Variants in ZSCAN25 observed in about 807,000 individuals in gnomAD.
ZSCAN25 encodes the protein zinc finger and SCAN domain-containing protein 25.
ZSCAN25 carries 27 observed loss-of-function variants against 38.7 expected under a neutral mutation model. That is an observed-to-expected ratio of 0.70 (90% confidence interval 0.51 to 0.96). The LOEUF (loss-of-function observed/expected upper bound fraction) is 0.96, where lower values mean the gene tolerates loss of function less well. ZSCAN25 is among the 40% of genes least tolerant of loss of function. The pLI, the probability that ZSCAN25 is intolerant of heterozygous loss-of-function variation, is 0.00. For missense variants in ZSCAN25, 637 were observed against 705.9 expected, an observed-to-expected ratio of 0.90 and a Z score of 1.11; for synonymous variants, 273 against 277.7, an observed-to-expected ratio of 0.98 and a Z score of 0.17.
At chr7:99,672,763 A>G in the ZSCAN25 span, 1 of 1,601,064 alleles carries the variant, frequency 6.2e-7, no homozygotes, top group Non-Finnish European at 8.5e-7. Context: ...GACTTTGATC[A>G]TTATGTTATG....
At chr7:99,676,339 C>T in the ZSCAN25 span, 3 of 1,552,748 alleles carry the variant, frequency 1.9e-6, no homozygotes, top group African/African-American at 4.1e-5. Context: ...AACAGCAACT[C>T]CAACATCAGT....
chr7:99,716,883 A>C, the ZSCAN25 span, among the ~76,000 whole-genome samples: 19 of 152,302 alleles, frequency 1.2e-4, no homozygotes, highest in East Asian at 9.6e-4. Flanking sequence ...ACTTTGATAC[A>C]ATCACACTTT....
In ZSCAN25 at chr7:99,631,818, G is replaced by T; in HGVS notation, c.*1798G>T. ...CCCACGAGGCTGCACTGACTGGGTC[G>T]TAAATGTATCTGAGATGTCCACACG... On this transcript the variant is annotated 3_prime_UTR_variant, in exon 8 of 8. Transcript: ENST00000394152. The T allele has an allele frequency of 1.0e-6, 1 of 985,426 alleles. No homozygotes were observed. Among genetic ancestry groups the T allele is most frequent in the Non-Finnish European group, 1.2e-6 (1 of 829,954 alleles). 61.0% of individuals were successfully genotyped at this position (985,426 alleles called of 1,614,324 possible). A position where few individuals can be genotyped will look rare whatever the true frequency, so the allele number is the denominator to read the frequency against.
At chr7:99,688,301 G>A in the ZSCAN25 span, among the ~76,000 whole-genome samples, 1 of 152,128 alleles carries the variant, frequency 6.6e-6, no homozygotes, top group Non-Finnish European at 1.5e-5. Flanking sequence ...GCCACACATA[G>A]GCTCAAAATA....
the ZSCAN25 span, among the ~76,000 whole-genome samples, chr7:99,640,351 T>G: frequency 3.3e-5 from 5 of 152,252 alleles, no homozygotes; most frequent in African/African-American, 9.6e-5. Flanking sequence ...AGAGACGGGG[T>G]TTCACCATGT....
At chr7:99,690,504 C>A in the ZSCAN25 span, among the ~76,000 whole-genome samples, 1 of 152,130 alleles carries the variant, frequency 6.6e-6, no homozygotes, top group Non-Finnish European at 1.5e-5. Context: ...TCAGAGTGAA[C>A]AGGCAACCTA....
chr7:99,627,526 C>T (rs1475287852), intron 7 of ZSCAN25, among the ~76,000 whole-genome samples: 1 of 152,042 alleles, frequency 6.6e-6, no homozygotes, highest in Non-Finnish European at 1.5e-5. Context: ...CAGCTTCACA[C>T]CATGATATAG....
chr7:99,624,426 C>T lies in ZSCAN25; in HGVS notation c.805+246C>T. 4 of 521,364 alleles carry T rather than the reference C, an allele frequency of 7.7e-6. No individual in the cohort carries two copies. In the South Asian group the frequency reaches 9.3e-5, roughly 12 times the overall value. 32.3% of individuals were successfully genotyped at this position (521,364 alleles called of 1,614,324 possible). A position where few individuals can be genotyped will look rare whatever the true frequency, so the allele number is the denominator to read the frequency against. On this transcript the variant is annotated intron_variant, in intron 7 of 7. Transcript: ENST00000394152. The stretch of plus-strand genomic sequence containing the variant: ...ATGGAGACAGGTCGGTCATGAGGAC[C>T]CCCAAACACCTACATTGTGTCCATG...
At chr7:99,686,445 G>A in the ZSCAN25 span, among the ~76,000 whole-genome samples, 98 of 152,344 alleles carry the variant, frequency 6.4e-4, no homozygotes, top group Middle Eastern at 3.4e-3. Context: ...CAAGGCGGCA[G>A]TGAGGCTGGG....
the ZSCAN25 span, chr7:99,650,339 A>G: frequency 6.1e-6 from 6 of 984,156 alleles, no homozygotes; most frequent in Admixed American, 1.3e-4. Context: ...CCCAACCAGT[A>G]GTACACAGGA....
the ZSCAN25 span, among the ~76,000 whole-genome samples, chr7:99,643,423 C>T: frequency 6.6e-6 from 1 of 151,884 alleles, no homozygotes; most frequent in Admixed American, 6.6e-5. Context: ...CCCATTGCTG[C>T]CCCCCCTTTT....
chr7:99,626,986 T>A (rs1483498801), intron 7 of ZSCAN25, among the ~76,000 whole-genome samples: 1 of 152,246 alleles, frequency 6.6e-6, no homozygotes, highest in East Asian at 1.9e-4. Context: ...ATCATTGTAT[T>A]TATTTTTCCC....
the ZSCAN25 span, chr7:99,638,589 G>T: frequency 4.3e-5 from 68 of 1,576,874 alleles, 1 homozygote; most frequent in African/African-American, 7.0e-4. Context: ...CCCATATGTT[G>T]AACTTGACAT....
At chr7:99,733,935 A>G in the ZSCAN25 span, among the ~76,000 whole-genome samples, 2 of 152,340 alleles carry the variant, frequency 1.3e-5, no homozygotes, top group Non-Finnish European at 2.9e-5. Context: ...CTAGAGATAT[A>G]TATTTGTACA....
chr7:99,710,937 G>A, the ZSCAN25 span: 2 of 1,612,814 alleles, frequency 1.2e-6, no homozygotes, highest in African/African-American at 1.3e-5. Context: ...GGTCAATGTA[G>A]GGCATCACAG....
At chr7:99,723,902 C>T in the ZSCAN25 span, among the ~76,000 whole-genome samples, 3 of 152,346 alleles carry the variant, frequency 2.0e-5, no homozygotes, top group South Asian at 6.2e-4. Context: ...GTCTAAATCA[C>T]TGCCAGGACA....
the ZSCAN25 span, chr7:99,720,552 A>G: frequency 3.2e-6 from 3 of 928,672 alleles, no homozygotes; most frequent in African/African-American, 3.3e-5. Flanking sequence ...GTTCTAGTTC[A>G]TTAGGTATAA....
At chr7:99,647,508 A>C in the ZSCAN25 span, 1 of 985,468 alleles carries the variant, frequency 1.0e-6, no homozygotes, top group Non-Finnish European at 1.2e-6. Flanking sequence ...GTGAAGATGG[A>C]ATGCAAGACG....
chr7:99,636,450 T>G (rs563026282), downstream of ZSCAN25, among the ~76,000 whole-genome samples: 2 of 152,210 alleles, frequency 1.3e-5, no homozygotes, highest in Non-Finnish European at 2.9e-5. Flanking sequence ...AGTTCATTTT[T>G]TTTATAGTCT....
Sources: gnomAD v4.1 joint callset for allele counts (sites outside exome capture counted in the v4.1 genomes callset) on GRCh38, gnomAD v4.1.1 for gene constraint, MANE v1.5 for transcripts, NCBI Gene and HGNC (gene_info 2026-07-23, HGNC 2026-07-21) for gene names.